NTRK3: variants seen among roughly 807,000 people sequenced by gnomAD.
NTRK3 encodes neurotrophic receptor tyrosine kinase 3, also known as NT-3 growth factor receptor.
In NTRK3, 24 loss-of-function variants were observed where a neutral mutation model predicts 91.7. The ratio of observed to expected loss-of-function variants is 0.26; its 90% CI spans 0.19 to 0.37. The LOEUF (loss-of-function observed/expected upper bound fraction) is 0.37, where lower values mean the gene tolerates loss of function less well. Among genes scored for constraint, NTRK3 ranks in the 10% least tolerant of loss-of-function variants. NTRK3 has a pLI of 1.00. For synonymous variants in NTRK3, 483 were observed against 404.0 expected, an observed-to-expected ratio of 1.20 and a Z score of -2.34; for missense variants, 880 against 1,068.9, an observed-to-expected ratio of 0.82 and a Z score of 2.46.
intron 13 of NTRK3, among the ~76,000 whole-genome samples, chr15:88,062,193 C>T (rs943889463): frequency 2.6e-5 from 4 of 152,206 alleles, no homozygotes; most frequent in Admixed American, 6.5e-5. Flanking sequence ...ATCCGCAGAA[C>T]GGGGAGGTGG....
chr15:88,070,940 C>A (rs115498844), intron 13 of NTRK3, among the ~76,000 whole-genome samples: 1 of 152,058 alleles, frequency 6.6e-6, no homozygotes, highest in South Asian at 2.1e-4. Context: ...AGCCCTCTAG[C>A]AGAAAAACAG....
At chr15:87,922,031 C>T (rs1454807349) in intron 17 of NTRK3, among the ~76,000 whole-genome samples, 1 of 152,180 alleles carries the variant, frequency 6.6e-6, no homozygotes, top group Non-Finnish European at 1.5e-5. Context: ...AGAGAGGTAC[C>T]ACTTATTAAA....
At chr15:88,206,674 A>AC (rs1567646654) in intron 3 of NTRK3, among the ~76,000 whole-genome samples, 1 of 149,602 alleles carries the variant, frequency 6.7e-6, no homozygotes. Flanking sequence ...AAAAAAAAAA[A>AC]AAACAAACCT....
At chr15:87,915,108 ATGGTGG>A (rs368848497) in intron 17 of NTRK3, among the ~76,000 whole-genome samples, 1 of 152,060 alleles carries the variant, frequency 6.6e-6, no homozygotes, top group Non-Finnish European at 1.5e-5. Context: ...GGGGGTGGTG[ATGGTGG>A]TGGTGGTGGT....
intron 13 of NTRK3, among the ~76,000 whole-genome samples, chr15:88,117,043 T>C (rs1459268708): frequency 6.6e-6 from 1 of 152,214 alleles, no homozygotes; most frequent in African/African-American, 2.4e-5. Context: ...CAACCTTAGC[T>C]GCACATAGAA....
chr15:88,160,058 G>T (rs2151425798), intron 5 of NTRK3, among the ~76,000 whole-genome samples: 1 of 152,170 alleles, frequency 6.6e-6, no homozygotes, highest in African/African-American at 2.4e-5. Flanking sequence ...GAGAAAGTGA[G>T]AGGGGCAGTG....
At chr15:88,204,343 A>C (rs1056322496) in intron 3 of NTRK3, among the ~76,000 whole-genome samples, 1 of 152,196 alleles carries the variant, frequency 6.6e-6, no homozygotes, top group Non-Finnish European at 1.5e-5. Context: ...ATTAAAAAAA[A>C]GTCTTGCCTA....
intron 13 of NTRK3, among the ~76,000 whole-genome samples, chr15:88,090,144 C>G (rs2048883654): frequency 6.6e-6 from 1 of 152,178 alleles, no homozygotes; most frequent in African/African-American, 2.4e-5. Flanking sequence ...CAAAGACCTC[C>G]CAGCCCTCTC....
At chr15:88,137,736 A>G (rs1443848485) in intron 6 of NTRK3, among the ~76,000 whole-genome samples, 175 bp from the exon 7 acceptor site, 1 of 152,212 alleles carries the variant, frequency 6.6e-6, no homozygotes. Context: ...TGCAGTTTTA[A>G]AACAATAAAC....
At chr15:87,911,510 T>C (rs533219588) in intron 17 of NTRK3, among the ~76,000 whole-genome samples, 3 of 152,358 alleles carry the variant, frequency 2.0e-5, no homozygotes, top group South Asian at 4.1e-4. Flanking sequence ...TAGGACGGTC[T>C]GTTCCATTTT....
At chr15:88,065,043 G>A (rs1281860563) in intron 13 of NTRK3, among the ~76,000 whole-genome samples, 1 of 152,162 alleles carries the variant, frequency 6.6e-6, no homozygotes, top group African/African-American at 2.4e-5. Flanking sequence ...CAAGATCTAT[G>A]ACAACTATGT....
chr15:88,142,224 T>G (rs1026776522), intron 6 of NTRK3, among the ~76,000 whole-genome samples: 2 of 152,222 alleles, frequency 1.3e-5, no homozygotes, highest in Non-Finnish European at 2.9e-5. Flanking sequence ...AGGGGAGCCT[T>G]TAGCCAGGAC....
chr15:88,058,391 T>C (rs1468506290), intron 13 of NTRK3, among the ~76,000 whole-genome samples: 1 of 152,204 alleles, frequency 6.6e-6, no homozygotes, highest in Non-Finnish European at 1.5e-5. Context: ...TAAATGAATA[T>C]GTGAAAAGTG....
intron 14 of NTRK3, among the ~76,000 whole-genome samples, chr15:87,986,472 T>C (rs940604819): frequency 6.6e-6 from 1 of 152,248 alleles, no homozygotes; most frequent in African/African-American, 2.4e-5. Context: ...CTGAAATAGC[T>C]GATTATCCTT....
chr15:88,238,632 G>A (rs1212918360), intron 3 of NTRK3, among the ~76,000 whole-genome samples: 4 of 152,132 alleles, frequency 2.6e-5, no homozygotes, highest in Admixed American at 1.3e-4. Flanking sequence ...GATGTTTAAC[G>A]TGTATATATG....
chr15:88,084,866 C>T (rs1457335521), intron 13 of NTRK3, among the ~76,000 whole-genome samples: 1 of 152,222 alleles, frequency 6.6e-6, no homozygotes, highest in Admixed American at 6.5e-5. Flanking sequence ...AGCCTCTGGA[C>T]AGCCACATCC....
At chr15:88,250,194 A>G (rs981525906) in intron 3 of NTRK3, among the ~76,000 whole-genome samples, 1 of 152,204 alleles carries the variant, frequency 6.6e-6, no homozygotes, top group Non-Finnish European at 1.5e-5. Flanking sequence ...CACGCCCAAG[A>G]AAGAACAGAG....
intron 13 of NTRK3, among the ~76,000 whole-genome samples, chr15:88,099,573 A>C (rs559156276): frequency 1.3e-5 from 2 of 152,282 alleles, no homozygotes; most frequent in South Asian, 4.1e-4. Flanking sequence ...TTAAGTCCAT[A>C]AAAGTGCAAA....
At chr15:88,121,108 A>G (rs4887207) in intron 13 of NTRK3, among the ~76,000 whole-genome samples, 40,191 of 151,750 alleles carry the variant, frequency 0.26, 5,695 homozygotes, top group African/African-American at 0.34. Flanking sequence ...TTTTTTACAG[A>G]CTGCAAAAGA....
Sources: allele counts gnomAD v4.1 joint callset (sites outside exome capture counted in the v4.1 genomes callset), GRCh38; gene constraint gnomAD v4.1.1; transcripts MANE v1.5; gene names NCBI Gene and HGNC (gene_info 2026-07-23, HGNC 2026-07-21).